CRYM: variants seen among roughly 807,000 people sequenced by gnomAD.
The protein encoded by CRYM is ketimine reductase mu-crystallin.
In CRYM, 18 loss-of-function variants were observed where a neutral mutation model predicts 32.9. That is an observed-to-expected ratio of 0.55 (90% confidence interval 0.38 to 0.81). The LOEUF is 0.81. Among genes scored for constraint, CRYM ranks in the 30% least tolerant of loss-of-function variants. CRYM has a pLI of 0.00. For missense variants in CRYM, 337 were observed against 393.5 expected (o/e 0.86, Z 1.21); for synonymous variants, 153 against 152.4 (o/e 1.00, Z -0.03).
intron 2 of CRYM, among the ~76,000 whole-genome samples, chr16:21,276,214 C>T (rs1186627643): frequency 6.6e-6 from 1 of 152,120 alleles, no homozygotes; most frequent in Non-Finnish European, 1.5e-5. Context: ...AGCTGATCAT[C>T]AAAAAATAGG....
chr16:21,278,179 G>A lies in CRYM; in HGVS notation c.73C>T (p.Pro25Ser), dbSNP rs944370057. The A allele has an allele frequency of 1.7e-5, 27 of 1,553,104 alleles. No homozygotes were observed. Among genetic ancestry groups the A allele is most frequent in the African/African-American group, 2.7e-5 (2 of 73,122 alleles). ...TTGGCCAGGGCCGTCTCTAGAGGCG[G>A]GATGAGGAGGCTGGAGCTGCGGAGG... ...EHLRSSSLLI[P>S]PLETALANFS... Residue 25 changes from proline to serine, a missense_variant, in exon 1 of 8, where the codon CCG becomes TCG. Transcript: ENST00000572914.
At chr16:21,288,408 G>T (rs976622587) in intron 1 of CRYM, among the ~76,000 whole-genome samples, 1 of 152,040 alleles carries the variant, frequency 6.6e-6, no homozygotes, top group African/African-American at 2.4e-5. Context: ...GTTATCAATT[G>T]CCCTACATTT....
At position 21,277,553 on chromosome 16, in the gene CRYM, C is replaced by A; in HGVS notation, c.202G>T (p.Ala68Ser). 6.2e-7 allele frequency: 1 copy of A among 1,613,988 alleles called. No individual in the cohort carries two copies. The highest frequency in any genetic ancestry group is 8.5e-7 in the Non-Finnish European group (1 of 1,180,006). The change falls in exon 2 of 8, where the codon GCA becomes TCA. Residue 68 changes from alanine to serine, a missense_variant. By Grantham distance (99) the Ala-to-Ser change is moderately conservative. Coordinates refer to ENST00000572914, the MANE Select transcript of CRYM (RefSeq NM_001376256.1). This position sits in a 1 kb window ranked among gnomAD's most constrained non-coding sequence, Gnocchi z 4.2. ...AACTTGGTGGTCAGTGCATCCTCTG[C>A]AGCACTGTAGGCGGGCATGACCCCC... ...YLGVMPAYSA[A>S]EDALTTKLVT...
At chr16:21,278,385 C>CCCCGCCCCGCCCCGCCAG, upstream of CRYM, 1 of 1,037,176 alleles carries the variant, frequency 9.6e-7, no homozygotes, top group Non-Finnish European at 1.4e-6. Flanking sequence ...GGCGGAGCAA[C>CCCCGCCCCGCCCCGCCAG]CCCGCCCCGC....
At chr16:21,300,179 T>A (rs541596206) in intron 1 of CRYM, among the ~76,000 whole-genome samples, 2 of 152,266 alleles carry the variant, frequency 1.3e-5, no homozygotes, top group South Asian at 4.1e-4. Context: ...TCCATGTCCA[T>A]CAAGAGATGG....
At chr16:21,288,757 T>A (rs1030944899) in intron 1 of CRYM, among the ~76,000 whole-genome samples, 3 of 152,140 alleles carry the variant, frequency 2.0e-5, no homozygotes, top group African/African-American at 7.2e-5. Flanking sequence ...AAAACTAAAC[T>A]GCTTTTCTTA....
chr16:21,266,909 A>T (rs2152861924), intron 5 of CRYM, among the ~76,000 whole-genome samples: 1 of 151,950 alleles, frequency 6.6e-6, no homozygotes, highest in Admixed American at 6.6e-5. Flanking sequence ...CGGGAGGCTG[A>T]AGTGGGAGAA....
chr16:21,261,107 C>A (rs2093353500), intron 7 of CRYM, 147 bp downstream of exon 7: 1 of 730,914 alleles, frequency 1.4e-6, no homozygotes, highest in Admixed American at 2.0e-5. Flanking sequence ...GGGCTTAGCA[C>A]TAGGCTAAAC....
At chr16:21,295,759 T>G (rs1960776029) in intron 1 of CRYM, among the ~76,000 whole-genome samples, 1 of 151,960 alleles carries the variant, frequency 6.6e-6, no homozygotes, top group Non-Finnish European at 1.5e-5. Context: ...ATGGTGAAAC[T>G]CTGTCTTTAC....
At chr16:21,290,284 C>T (rs1252803502) in intron 1 of CRYM, among the ~76,000 whole-genome samples, 1 of 152,174 alleles carries the variant, frequency 6.6e-6, no homozygotes, top group Admixed American at 6.5e-5. Context: ...AGGCTTCATT[C>T]CTTAAGTCAG....
intron 7 of CRYM, among the ~76,000 whole-genome samples, chr16:21,260,350 G>T (rs1043151228): frequency 1.3e-5 from 2 of 152,052 alleles, no homozygotes; most frequent in African/African-American, 4.8e-5. Context: ...CTGTTGCCCA[G>T]GCTGGAGTGC....
At chr16:21,292,089 A>G (rs1331008177) in intron 1 of CRYM, among the ~76,000 whole-genome samples, 1 of 152,166 alleles carries the variant, frequency 6.6e-6, no homozygotes, top group Non-Finnish European at 1.5e-5. Context: ...ATTCATAAAT[A>G]GCTTTAATTA....
At position 21,258,808 on chromosome 16, in the gene CRYM, G is replaced by C. The variant is rs750253275; in HGVS notation, c.918C>G (p.Ile306Met). ...ATTTACCAGATGACCAGGAATCATA[G>C]ATGAGTTTGGCTGCAACTGTGTCTT... ...AVEDTVAAKLIYDSWSSGK is the reference protein window; with the variant it reads ...AVEDTVAAKLMYDSWSSGK The change falls in exon 8 of 8, where the codon ATC becomes ATG. Residue 306 changes from isoleucine to methionine, a missense_variant. Coordinates refer to ENST00000572914, the MANE Select transcript of CRYM (RefSeq NM_001376256.1). The C allele has an allele frequency of 1.2e-6, 2 of 1,613,990 alleles. No homozygotes were observed. The highest frequency in any genetic ancestry group is 3.3e-5 in the Admixed American group (2 of 60,012).
chr16:21,275,271 G>A (rs2093383943), intron 3 of CRYM, among the ~76,000 whole-genome samples: 1 of 152,196 alleles, frequency 6.6e-6, no homozygotes, highest in Admixed American at 6.5e-5. Flanking sequence ...CTGGAAGGTG[G>A]AGAGAATTTC....
intron 3 of CRYM, 145 bp downstream of exon 3, chr16:21,275,387 C>T: frequency 1.4e-6 from 1 of 697,558 alleles, no homozygotes; most frequent in South Asian, 1.5e-5. Context: ...TCGTGAATTA[C>T]TGATATATCT....
intron 1 of CRYM, among the ~76,000 whole-genome samples, chr16:21,291,623 A>C (rs1227525087): frequency 2.6e-5 from 4 of 152,160 alleles, no homozygotes; most frequent in African/African-American, 9.6e-5. Context: ...ATTAATCTCA[A>C]TAGAGGGGAA....
intron 5 of CRYM, among the ~76,000 whole-genome samples, chr16:21,264,142 C>T (rs535911744): frequency 1.3e-5 from 2 of 152,354 alleles, no homozygotes; most frequent in Admixed American, 1.3e-4. Flanking sequence ...CCCTCCCGTT[C>T]TGTTCTCCCT....
chr16:21,268,195 C>T (rs765463555), intron 4 of CRYM, among the ~76,000 whole-genome samples: 11 of 152,176 alleles, frequency 7.2e-5, no homozygotes, highest in Non-Finnish European at 1.5e-4. Context: ...GTGTGGAACT[C>T]ACACTTTATG....
Position 21,258,830 on chromosome 16 carries a change from T to C in CRYM, c.896A>G (p.Asp299Gly). 1.2e-6 allele frequency: 2 copies of C among 1,614,174 alleles called. No homozygotes were observed. Among genetic ancestry groups the C allele is most frequent in the East Asian group, 2.2e-5 (1 of 44,884 alleles). The change falls in exon 8 of 8, where the codon GAC becomes GGC. Residue 299 changes from aspartate (D) to glycine (G), a missense_variant. Asp to Gly is a moderately conservative substitution (Grantham distance 94). Transcript: ENST00000572914. ...VFKSLGMAVE[D>G]TVAAKLIYDS... is the part of the protein sequence containing the mutation. The stretch of plus-strand genomic sequence containing the variant: ...ATAGATGAGTTTGGCTGCAACTGTG[T>C]CTTCCACTGCCATTCCTAGAATAGA...
Sources: allele counts gnomAD v4.1 joint callset (sites outside exome capture counted in the v4.1 genomes callset), GRCh38; gene constraint gnomAD v4.1.1; non-coding constraint Gnocchi (gnomAD v3.1); transcripts MANE v1.5; gene names NCBI Gene and HGNC (gene_info 2026-07-23, HGNC 2026-07-21).